FAM3C: variants seen among roughly 807,000 people sequenced by gnomAD.
The protein encoded by FAM3C is protein FAM3C.
Under a neutral mutation model 32.5 loss-of-function variants are expected in FAM3C, and 15 were observed. The observed-to-expected ratio is 0.46, with a 90% CI of 0.31 to 0.71. The LOEUF is 0.71. FAM3C is among the 30% of genes least tolerant of loss of function. The pLI is 0.05. For synonymous variants in FAM3C, 75 were observed against 86.1 expected (o/e 0.87, Z 0.72); for missense variants, 175 against 274.4 (o/e 0.64, Z 2.56).
chr7:121,364,136 C>T lies in FAM3C; in HGVS notation c.325G>A (p.Ala109Thr). The change falls in exon 6 of 10, where the codon GCA (alanine) becomes ACA (threonine). Residue 109 changes from alanine (A) to threonine (T), a missense_variant. By Grantham distance (58) the Ala-to-Thr change is moderately conservative (BLOSUM62 0). Coordinates refer to ENST00000359943, the MANE Select transcript of FAM3C (RefSeq NM_014888.3). The part of the protein sequence containing the change: ...NVGRGINVAL[A>T]NGKTGEVLDT... ...CTAAAATAATTGTTCTTACCATTTGCCAAGGCAACATTGATCCCTCTTCCA... is the reference window on the plus strand; with the variant it reads ...CTAAAATAATTGTTCTTACCATTTGTCAAGGCAACATTGATCCCTCTTCCA... 1 of 1,597,382 alleles carries T rather than the reference C, an allele frequency of 6.3e-7. No homozygotes were observed. Among genetic ancestry groups the T allele is most frequent in the Non-Finnish European group, 8.6e-7 (1 of 1,165,248 alleles).
intron 7 of FAM3C, among the ~76,000 whole-genome samples, chr7:121,360,466 T>C (rs1327734501): frequency 6.6e-6 from 1 of 152,162 alleles, no homozygotes; most frequent in Non-Finnish European, 1.5e-5. Flanking sequence ...ATTGGGATCC[T>C]GAAAACCTTA....
At chr7:121,354,036 A>C in intron 8 of FAM3C, among the ~76,000 whole-genome samples, 1 of 152,184 alleles carries the variant, frequency 6.6e-6, no homozygotes, top group Admixed American at 6.5e-5. Flanking sequence ...CTGCCTATGT[A>C]GAATTTGGTT....
At chr7:121,374,335 T>C (rs978674330) in intron 3 of FAM3C, among the ~76,000 whole-genome samples, 8 of 152,232 alleles carry the variant, frequency 5.3e-5, no homozygotes, top group African/African-American at 1.7e-4. Context: ...ATAATCGACA[T>C]TGGTAATTTC....
intron 5 of FAM3C, among the ~76,000 whole-genome samples, chr7:121,369,147 A>T (rs1408987240): frequency 1.3e-5 from 2 of 151,570 alleles, no homozygotes; most frequent in Non-Finnish European, 2.9e-5. Flanking sequence ...ACGCCCGGCT[A>T]ACTTTTGTAT....
At chr7:121,392,086 G>A (rs946753213) in intron 1 of FAM3C, among the ~76,000 whole-genome samples, 2 of 152,098 alleles carry the variant, frequency 1.3e-5, no homozygotes, top group African/African-American at 2.4e-5. Flanking sequence ...TCCTATAAAA[G>A]CCTCCCTCCT....
chr7:121,381,077 C>T (rs1029181713), intron 2 of FAM3C, among the ~76,000 whole-genome samples: 18 of 152,200 alleles, frequency 1.2e-4, no homozygotes, highest in South Asian at 2.1e-4. Context: ...CAGAGATCGC[C>T]CCCAAAGCTG....
chr7:121,387,299 T>C (rs1794485681), intron 1 of FAM3C, among the ~76,000 whole-genome samples: 1 of 151,970 alleles, frequency 6.6e-6, no homozygotes, highest in South Asian at 2.1e-4. Context: ...TAAAAAGAAA[T>C]AAAAATATAA....
intron 3 of FAM3C, among the ~76,000 whole-genome samples, chr7:121,373,103 A>G (rs1195329062): frequency 6.6e-6 from 1 of 152,192 alleles, no homozygotes; most frequent in Non-Finnish European, 1.5e-5. Context: ...AAAGCAGAAA[A>G]GAAACCTTAT....
At chr7:121,384,803 G>A (rs1794434427) in intron 1 of FAM3C, among the ~76,000 whole-genome samples, 1 of 152,146 alleles carries the variant, frequency 6.6e-6, no homozygotes, top group South Asian at 2.1e-4. Flanking sequence ...GCCATAACAT[G>A]CCTCAATTAA....
chr7:121,379,001 C>T lies in FAM3C; in HGVS notation c.27G>A (p.Leu9=), dbSNP rs1376797320. Residue 9 remains leucine (L), a synonymous_variant, in exon 3 of 10, where the codon TTG becomes TTA. Transcript: ENST00000359943. ...GTAAAAACACTGCCACAGCTACCAC[C>T]AACTTTGCAGCACCTAAAAGGCAGA... MRVAGAAK[L]VVAVAVFLLT... is the part of the protein sequence containing the mutation. 1.6e-5 allele frequency: 25 copies of T among 1,565,132 alleles called. No homozygotes were observed. Among genetic ancestry groups the T allele is most frequent in the Non-Finnish European group, 2.1e-5 (24 of 1,158,254 alleles).
chr7:121,385,299 T>C (rs1436358722), intron 1 of FAM3C, among the ~76,000 whole-genome samples: 2 of 152,222 alleles, frequency 1.3e-5, no homozygotes, highest in African/African-American at 4.8e-5. Context: ...ATTTATACAT[T>C]TGCTCCAAAA....
At chr7:121,355,227 A>G (rs1251985701) in intron 8 of FAM3C, among the ~76,000 whole-genome samples, 1 of 152,194 alleles carries the variant, frequency 6.6e-6, no homozygotes, top group Non-Finnish European at 1.5e-5. Context: ...TAAGTGCTCT[A>G]AAGTAAATTT....
chr7:121,374,936 T>C (rs1439947408), intron 3 of FAM3C, among the ~76,000 whole-genome samples: 1 of 152,216 alleles, frequency 6.6e-6, no homozygotes, highest in African/African-American at 2.4e-5. Context: ...ATACTCTTCC[T>C]TTCCATGTAG....
rs1403843312 is a variant in FAM3C at position 121,351,181 on chromosome 7, C to T, written c.556G>A (p.Gly186Ser). 1 of 1,613,658 alleles carries T rather than the reference C, an allele frequency of 6.2e-7. No homozygotes were observed. The highest frequency in any genetic ancestry group is 1.7e-5 in the Admixed American group (1 of 59,964). ...LGFRDNWVFC[G>S]GKGIKTKSPF... ...CTTTTTGTCTTAATGCCCTTCCCAC[C>T]ACAGAAGACCCAGTTGTCTCTAAAA... is the stretch of plus-strand genomic sequence containing the variant. Residue 186 changes from glycine to serine, a missense_variant, in exon 9 of 10, where the codon GGT (glycine) becomes AGT (serine). Gly to Ser is a moderately conservative substitution (Grantham distance 56, BLOSUM62 0). Coordinates refer to ENST00000359943, the MANE Select transcript of FAM3C (RefSeq NM_014888.3).
chr7:121,375,962 T>C (rs143178413), intron 3 of FAM3C, among the ~76,000 whole-genome samples: 2 of 152,340 alleles, frequency 1.3e-5, no homozygotes, highest in Non-Finnish European at 2.9e-5. Context: ...AGTTACCATC[T>C]CATAAGCTGC....
intron 5 of FAM3C, among the ~76,000 whole-genome samples, chr7:121,365,151 T>C (rs760687566): frequency 9.2e-5 from 14 of 152,180 alleles, no homozygotes; most frequent in Non-Finnish European, 1.5e-4. Context: ...TACTTTATTA[T>C]AAATCTCAGT....
intron 7 of FAM3C, among the ~76,000 whole-genome samples, chr7:121,362,320 C>T (rs1350349106): frequency 1.3e-5 from 2 of 152,130 alleles, no homozygotes; most frequent in Non-Finnish European, 2.9e-5. Flanking sequence ...GATTGCTTTA[C>T]AAGAAAGAAA....
intron 5 of FAM3C, among the ~76,000 whole-genome samples, chr7:121,369,514 G>C (rs949699997): frequency 2.0e-5 from 3 of 152,156 alleles, no homozygotes; most frequent in African/African-American, 7.2e-5. Context: ...AAATAAGGAT[G>C]GATAGGTGGC....
intron 4 of FAM3C, among the ~76,000 whole-genome samples, chr7:121,371,866 C>T (rs924670463): frequency 1.3e-5 from 2 of 152,178 alleles, no homozygotes; most frequent in Non-Finnish European, 2.9e-5. Context: ...CCCATGTACA[C>T]TCTTAACTCC....
Sources: allele counts gnomAD v4.1 joint callset (sites outside exome capture counted in the v4.1 genomes callset), GRCh38; gene constraint gnomAD v4.1.1; transcripts MANE v1.5; gene names NCBI Gene and HGNC (gene_info 2026-07-23, HGNC 2026-07-21).